CTNS: variants seen among roughly 807,000 people sequenced by gnomAD.
The protein encoded by CTNS is cystinosin.
Under a neutral mutation model 43.7 loss-of-function variants are expected in CTNS, and 27 were observed. The observed-to-expected ratio is 0.62, with a 90% CI of 0.46 to 0.85. CTNS has a LOEUF of 0.85. CTNS is among the 40% of genes least tolerant of loss of function. The pLI is 0.00. For missense variants in CTNS, 457 were observed against 475.4 expected, an observed-to-expected ratio of 0.96 and a Z score of 0.36; for synonymous variants, 187 against 190.6, an observed-to-expected ratio of 0.98 and a Z score of 0.16.
chr17:3,655,406 G>A lies in CTNS; in HGVS notation c.461+54G>A, dbSNP rs12938401. The A allele has an allele frequency of 0.19, 302,430 of 1,609,528 alleles. 30,263 individuals carry two copies. The highest frequency in any genetic ancestry group is 0.24 in the East Asian group (10,883 of 44,814). On this transcript the variant is annotated intron_variant, in intron 7 of 11. Coordinates refer to ENST00000046640, the MANE Select transcript of CTNS (RefSeq NM_004937.3). ...CTCTCGGGGCCCCTAGGAGCAGGGC[G>A]TTCCAGCAAGGCTGCCGATAGCGCA...
At chr17:3,658,881 G>A (rs943200557) in intron 10 of CTNS, among the ~76,000 whole-genome samples, 1 of 152,314 alleles carries the variant, frequency 6.6e-6, no homozygotes, top group African/African-American at 2.4e-5. Flanking sequence ...AGGCTGGGGC[G>A]GGACACGGGG....
At chr17:3,644,226 G>C (rs915793072) in intron 3 of CTNS, among the ~76,000 whole-genome samples, 3 of 152,178 alleles carry the variant, frequency 2.0e-5, no homozygotes, top group Non-Finnish European at 4.4e-5. Flanking sequence ...GACTCATTCA[G>C]ATAGGTCTTG....
At chr17:3,652,781 A>C in intron 5 of CTNS, among the ~76,000 whole-genome samples, 1 of 152,208 alleles carries the variant, frequency 6.6e-6, no homozygotes, top group Non-Finnish European at 1.5e-5. Context: ...GTTAAAAATA[A>C]GAAAAAGTGA....
At chr17:3,643,546 T>TAGTG (rs564523906) in intron 3 of CTNS, among the ~76,000 whole-genome samples, 2 of 151,908 alleles carry the variant, frequency 1.3e-5, no homozygotes, top group African/African-American at 4.8e-5. Context: ...GTGAGCGACA[T>TAGTG]AGTGAGACCC....
intron 2 of CTNS, among the ~76,000 whole-genome samples, chr17:3,639,232 A>C (rs2075620955): frequency 6.6e-6 from 1 of 151,968 alleles, no homozygotes; most frequent in Non-Finnish European, 1.5e-5. Flanking sequence ...CTCTTGACCC[A>C]CTGTTCACCT....
intron 7 of CTNS, chr17:3,655,777 G>A (rs1238861503): frequency 1.9e-5 from 5 of 261,140 alleles, no homozygotes; most frequent in Admixed American, 4.9e-5. Context: ...TGGCCACGTC[G>A]GCCTCCTGGG....
chr17:3,638,239 T>TG (rs1174738307), intron 2 of CTNS, among the ~76,000 whole-genome samples: 3 of 50,970 alleles, frequency 5.9e-5, no homozygotes, highest in African/African-American at 1.7e-4. Flanking sequence ...TTTTTTTTGT[T>TG]TTTTTTTTTT....
rs147763094 is a variant in CTNS, at chr17:3,652,826, T to C, written c.226-2172T>C. On this transcript the variant is annotated intron_variant, in intron 5 of 11. Transcript: ENST00000046640. ...AAATAAAAGAGCCAGGAGTGGCACA[T>C]GTTATGAAGATGTACCTTGTGAGAC... Among the ~76,000 whole-genome samples the C allele has an allele frequency of 7.8e-3, 1,185 of 152,198 alleles. 12 individuals are homozygous for C. The highest frequency in any genetic ancestry group is 0.027 in the African/African-American group (1,126 of 41,522).
At chr17:3,639,266 T>C (rs562820336) in intron 2 of CTNS, among the ~76,000 whole-genome samples, 70 of 152,128 alleles carry the variant, frequency 4.6e-4, no homozygotes, top group Non-Finnish European at 5.1e-4. Context: ...TTTACAGGAA[T>C]GCAGCTCCCC....
intron 1 of CTNS, 45 bp from the exon 2 acceptor site, chr17:3,637,062 C>G (rs1389860941): frequency 2.0e-5 from 3 of 152,294 alleles, no homozygotes; most frequent in African/African-American, 2.4e-5. Context: ...CAGCCCCTTA[C>G]CTTCTGCTCA....
At chr17:3,653,670 GT>G (rs1399630829) in intron 5 of CTNS, among the ~76,000 whole-genome samples, 6 of 152,166 alleles carry the variant, frequency 3.9e-5, no homozygotes, top group Non-Finnish European at 8.8e-5. Flanking sequence ...GAGGCTGGGA[GT>G]TTGAGACCAG....
intron 3 of CTNS, among the ~76,000 whole-genome samples, chr17:3,645,237 G>C (rs925796714): frequency 1.3e-5 from 2 of 152,236 alleles, no homozygotes; most frequent in South Asian, 4.1e-4. Flanking sequence ...ACATAAGGAA[G>C]GGACTGCCTT....
chr17:3,648,896 T>A lies in CTNS; in HGVS notation c.190T>A (p.Ser64Thr), dbSNP rs1269782669. Residue 64 changes from serine (S) to threonine (T), a missense_variant, in exon 5 of 12, where the codon TCC becomes ACC. Physicochemically the swap from Ser to Thr is moderately conservative, Grantham distance 58. Transcript: ENST00000046640. Reference protein sequence around the residue: ...LVITFEITFRSKNITILELPD... With the variant: ...LVITFEITFRTKNITILELPD... ...GATCACTTTTGAAATCACATTTCGTTCCAAAAATATTACTATCCTTGAGCT... is the reference window on the plus strand; with the variant it reads ...GATCACTTTTGAAATCACATTTCGTACCAAAAATATTACTATCCTTGAGCT... 1 of 1,614,048 alleles carries A rather than the reference T, an allele frequency of 6.2e-7. No homozygotes were observed. Among genetic ancestry groups the A allele is most frequent in the South Asian group, 1.1e-5 (1 of 91,084 alleles).
intron 2 of CTNS, among the ~76,000 whole-genome samples, chr17:3,639,230 C>T (rs67909): frequency 6.6e-6 from 1 of 151,740 alleles, no homozygotes; most frequent in Non-Finnish European, 1.5e-5. Flanking sequence ...TGCTCTTGAC[C>T]CACTGTTCAC....
At chr17:3,660,024 C>T (rs1233969942) in intron 11 of CTNS, 49 bp downstream of exon 11, 18 of 1,524,692 alleles carry the variant, frequency 1.2e-5, no homozygotes, top group Non-Finnish European at 1.5e-5. Flanking sequence ...GGGCATCGGG[C>T]GGGGCCAGCC....
At position 3,647,529 on chromosome 17, in the gene CTNS, TC is replaced by T; in HGVS notation, c.140+9del. 6.2e-7 allele frequency: 1 copy of T among 1,613,744 alleles called. No homozygotes were observed. The highest frequency in any genetic ancestry group is 2.2e-5 in the East Asian group (1 of 44,880). ...ACGTCAGCCTCACCCTGCGGTAAGT[TC>T]CTGGGCCTGGCGCTGTGCTCAGCTC... On this transcript the variant is annotated splice_region_variant and intron_variant, in intron 4 of 11. Coordinates refer to ENST00000046640, the MANE Select transcript of CTNS (RefSeq NM_004937.3).
chr17:3,662,624 G>A lies in CTNS; in HGVS notation c.*2255G>A, dbSNP rs534998566. Among the ~76,000 whole-genome samples the A allele has an allele frequency of 6.6e-6, 1 of 152,202 alleles. No individual in the cohort carries two copies. Among genetic ancestry groups the A allele is most frequent in the African/African-American group, 2.4e-5 (1 of 41,448 alleles). On this transcript the variant is annotated 3_prime_UTR_variant, in exon 12 of 12. Transcript: ENST00000046640. ...AAAAGGAGGTTGGGAGCAAGTAGGGGCTTCACAGTAACACCCAAGAAAGCA... is the reference window on the plus strand; with the variant it reads ...AAAAGGAGGTTGGGAGCAAGTAGGGACTTCACAGTAACACCCAAGAAAGCA...
At chr17:3,655,644 TCTC>T (rs887235492) in intron 7 of CTNS, 1 of 438,176 alleles carries the variant, frequency 2.3e-6, no homozygotes, top group Admixed American at 3.5e-5. Context: ...CCATCGTGAA[TCTC>T]CTCTGCGCTG....
Position 3,655,236 on chromosome 17 carries a change from T to G in CTNS, c.345T>G (p.Phe115Leu). The G allele has an allele frequency of 1.9e-6, 3 of 1,614,116 alleles. No homozygotes were observed. The South Asian group carries it at 3.3e-5, about 18-fold the overall frequency. Reference sequence around the variant, plus strand: ...TCCTTTCCAGCCCGAGGATACGCTTTCTTGTGATCCGCAGCAGCGCCATTA... The same window carrying G: ...TCCTTTCCAGCCCGAGGATACGCTTGCTTGTGATCCGCAGCAGCGCCATTA... ...HSNQTGPRIR[F>L]LVIRSSAISI... is the part of the protein sequence containing the mutation. Residue 115 changes from phenylalanine (F) to leucine (L), a missense_variant, in exon 7 of 12, where the codon TTT becomes TTG. Coordinates refer to ENST00000046640, the MANE Select transcript of CTNS (RefSeq NM_004937.3).
Sources: allele counts gnomAD v4.1 joint callset (sites outside exome capture counted in the v4.1 genomes callset), GRCh38; gene constraint gnomAD v4.1.1; transcripts MANE v1.5; gene names NCBI Gene and HGNC (gene_info 2026-07-23, HGNC 2026-07-21).